Variants in UBE2E2 observed in about 807,000 individuals in gnomAD.
The protein encoded by UBE2E2 is ubiquitin-conjugating enzyme E2 E2.
A neutral mutation model predicts 24.7 loss-of-function variants in UBE2E2; 6 were observed. The ratio of observed to expected loss-of-function variants is 0.24; its 90% CI spans 0.13 to 0.48. The LOEUF (loss-of-function observed/expected upper bound fraction) is 0.48. Ranked by LOEUF, UBE2E2 falls within the 20% of genes least tolerant of loss-of-function variation. The probability of loss-of-function intolerance (pLI) is 0.99; values close to 1 mark genes in which losing one functional copy is unlikely to be tolerated. For synonymous variants in UBE2E2, 104 were observed against 83.6 expected, an observed-to-expected ratio of 1.24 and a Z score of -1.33; for missense variants, 169 against 245.0, an observed-to-expected ratio of 0.69 and a Z score of 2.07.
rs1212035201 is a variant in UBE2E2 at position 23,583,692 on chromosome 3, G to A, written c.509-6042G>A. On this transcript the variant is annotated intron_variant, in intron 5 of 5. Coordinates refer to ENST00000396703, the MANE Select transcript of UBE2E2 (RefSeq NM_152653.4). This position sits in a 1 kb window ranked among gnomAD's most constrained non-coding sequence, Gnocchi z 4.1. Reference sequence around the variant, plus strand: ...CTTTGTGGCTATTGTGAATGGGATTGTGTTCTTGTTTTGGCTCTCAGCCTG... The same window carrying A: ...CTTTGTGGCTATTGTGAATGGGATTATGTTCTTGTTTTGGCTCTCAGCCTG... 6.6e-6 allele frequency among the ~76,000 whole-genome samples: 1 copy of A among 152,144 alleles called. No homozygotes were observed. Among genetic ancestry groups the A allele is most frequent in the Non-Finnish European group, 1.5e-5 (1 of 68,006 alleles).
chr3:23,249,221 G>A (rs1051334449), intron 3 of UBE2E2, among the ~76,000 whole-genome samples: 6 of 150,296 alleles, frequency 4.0e-5, no homozygotes, highest in Non-Finnish European at 5.9e-5. Flanking sequence ...TCAGTGAGCC[G>A]AGATTGCACC....
chr3:23,227,434 G>T (rs1361242003), intron 3 of UBE2E2, among the ~76,000 whole-genome samples: 1 of 152,184 alleles, frequency 6.6e-6, no homozygotes, highest in Non-Finnish European at 1.5e-5. Context: ...ATGTGAATGT[G>T]TATTGGTTAG....
At chr3:23,441,998 T>C (rs940422748) in intron 3 of UBE2E2, among the ~76,000 whole-genome samples, 4 of 152,206 alleles carry the variant, frequency 2.6e-5, no homozygotes, top group Non-Finnish European at 4.4e-5. Flanking sequence ...AGTGTTCATA[T>C]TGTTAGTTAG....
At chr3:23,556,754 T>C (rs539572934) in intron 5 of UBE2E2, among the ~76,000 whole-genome samples, 26 of 152,292 alleles carry the variant, frequency 1.7e-4, no homozygotes, top group African/African-American at 6.3e-4. Flanking sequence ...TCTTCCCGTA[T>C]ACCAACAAAA....
chr3:23,296,711 T>A (rs2125255279), intron 3 of UBE2E2, among the ~76,000 whole-genome samples: 1 of 152,362 alleles, frequency 6.6e-6, no homozygotes, highest in South Asian at 2.1e-4. Flanking sequence ...TCTGTCATTG[T>A]TGGACATTTA....
At chr3:23,270,401 T>C (rs1225328552) in intron 3 of UBE2E2, among the ~76,000 whole-genome samples, 2 of 152,124 alleles carry the variant, frequency 1.3e-5, no homozygotes, top group East Asian at 3.9e-4. Flanking sequence ...CTCTTTTGTA[T>C]GAGAGCCCCA....
At chr3:23,475,993 G>C (rs1410027423) in intron 3 of UBE2E2, among the ~76,000 whole-genome samples, 1 of 152,084 alleles carries the variant, frequency 6.6e-6, no homozygotes, top group Non-Finnish European at 1.5e-5. Context: ...TTGTGGATTA[G>C]TATTCAAGAT....
At chr3:23,298,988 G>A (rs1698995813) in intron 3 of UBE2E2, among the ~76,000 whole-genome samples, 1 of 152,168 alleles carries the variant, frequency 6.6e-6, no homozygotes. Context: ...TCTACTCAGA[G>A]ATTCAACTTC....
chr3:23,481,436 C>T (rs1699257539), intron 3 of UBE2E2, among the ~76,000 whole-genome samples: 1 of 152,196 alleles, frequency 6.6e-6, no homozygotes, highest in Non-Finnish European at 1.5e-5. Flanking sequence ...CAGAGCTTTG[C>T]TTTCATATAC....
intron 3 of UBE2E2, among the ~76,000 whole-genome samples, chr3:23,490,595 A>G (rs911622762): frequency 6.6e-6 from 1 of 152,164 alleles, no homozygotes; most frequent in Non-Finnish European, 1.5e-5. Context: ...ACGTAACACA[A>G]AAAGAGGCAG....
chr3:23,394,665 A>G (rs1016169503), intron 3 of UBE2E2, among the ~76,000 whole-genome samples: 8 of 152,228 alleles, frequency 5.3e-5, no homozygotes, highest in Non-Finnish European at 1.2e-4. Flanking sequence ...TCTCAGCAGT[A>G]GCTAAGAATC....
chr3:23,581,590 C>T (rs780647632), intron 5 of UBE2E2, among the ~76,000 whole-genome samples: 1 of 152,184 alleles, frequency 6.6e-6, no homozygotes, highest in African/African-American at 2.4e-5. Context: ...GTTGAGGAAA[C>T]TGAGGCACAG....
At chr3:23,569,720 A>C (rs1696179848) in intron 5 of UBE2E2, among the ~76,000 whole-genome samples, 1 of 152,224 alleles carries the variant, frequency 6.6e-6, no homozygotes, top group South Asian at 2.1e-4. Context: ...GTAGGAATAC[A>C]CCATCTGTGC....
At chr3:23,392,219 C>T (rs535964219) in intron 3 of UBE2E2, among the ~76,000 whole-genome samples, 1 of 152,034 alleles carries the variant, frequency 6.6e-6, no homozygotes, top group South Asian at 2.1e-4. Flanking sequence ...TATGGCCTAG[C>T]GAATAATATA....
chr3:23,551,936 G>A (rs1695653766), intron 5 of UBE2E2, among the ~76,000 whole-genome samples: 1 of 152,160 alleles, frequency 6.6e-6, no homozygotes, highest in South Asian at 2.1e-4. Flanking sequence ...TCATAAGGGT[G>A]GAACCCTGAT....
intron 3 of UBE2E2, among the ~76,000 whole-genome samples, chr3:23,272,830 G>A (rs1698281278): frequency 6.6e-6 from 1 of 152,172 alleles, no homozygotes; most frequent in Admixed American, 6.5e-5. Context: ...AGAGCCAGTA[G>A]TATAAGTTCT....
At chr3:23,227,515 G>A (rs4858063) in intron 3 of UBE2E2, among the ~76,000 whole-genome samples, 23,817 of 152,130 alleles carry the variant, frequency 0.16, 1,987 homozygotes, top group South Asian at 0.22. Context: ...GAGGACCTAT[G>A]TTATTTATTT....
At chr3:23,203,935 G>T (rs949260971) in intron 1 of UBE2E2, among the ~76,000 whole-genome samples, 1 of 151,996 alleles carries the variant, frequency 6.6e-6, no homozygotes, top group South Asian at 2.1e-4. Context: ...CTCCTTCGCC[G>T]CCGCACCCCG....
chr3:23,580,434 A>G (rs1490893525), intron 5 of UBE2E2, among the ~76,000 whole-genome samples: 2 of 152,226 alleles, frequency 1.3e-5, no homozygotes, highest in Non-Finnish European at 2.9e-5. Flanking sequence ...GAAGGCTCAG[A>G]TGATTGTTAG....
Sources: allele counts gnomAD v4.1 joint callset (sites outside exome capture counted in the v4.1 genomes callset), GRCh38; gene constraint gnomAD v4.1.1; non-coding constraint Gnocchi (gnomAD v3.1); transcripts MANE v1.5; gene names NCBI Gene and HGNC (gene_info 2026-07-23, HGNC 2026-07-21).